Variants in NUP58 observed in about 807,000 individuals in gnomAD.
NUP58 encodes the protein nucleoporin 58, also known as nucleoporin p58/p45.
Under a neutral mutation model 70.1 loss-of-function variants are expected in NUP58, and 17 were observed. The observed-to-expected ratio is 0.24, with a 90% CI of 0.17 to 0.36. NUP58 has a LOEUF of 0.36. Among genes scored for constraint, NUP58 ranks in the 10% least tolerant of loss-of-function variants. The probability of loss-of-function intolerance (pLI) is 1.00; values close to 1 mark genes in which losing one functional copy is unlikely to be tolerated. For synonymous variants in NUP58, 275 were observed against 257.6 expected (o/e 1.07, Z -0.65); for missense variants, 644 against 701.5 (o/e 0.92, Z 0.93).
At chr13:25,321,231 T>C in intron 9 of NUP58, 138 bp downstream of exon 9, 2 of 664,696 alleles carry the variant, frequency 3.0e-6, no homozygotes, top group South Asian at 2.2e-5. Context: ...AGATAACTCA[T>C]ATACTTTAAT....
intron 2 of NUP58, 194 bp downstream of exon 2, chr13:25,308,142 CTGATA>C (rs1260429991): frequency 3.8e-5 from 18 of 478,812 alleles, no homozygotes; most frequent in Non-Finnish European, 5.7e-5. Context: ...GTCATCTACT[CTGATA>C]TAACGAAGGA....
In NUP58 at chr13:25,338,684, C is replaced by A; in HGVS notation, c.1583C>A (p.Thr528Lys). Residue 528 changes from threonine to lysine, a missense_variant, in exon 15 of 16, where the codon ACA (threonine) becomes AAA (lysine). By Grantham distance (78) the Thr-to-Lys change is moderately conservative. This residue lies in a region of NUP58 where 132 missense variants were observed against 203.9 expected (regional missense o/e 0.65). Transcript: ENST00000381736. ...GGATGCAGCACCACAGGGGCCTCCACATTTGGATTTGGAACAACAAATAAA... is the reference window on the plus strand; with the variant it reads ...GGATGCAGCACCACAGGGGCCTCCAAATTTGGATTTGGAACAACAAATAAA... ...GFGCSTTGAS[T>K]FGFGTTNKPS... The A allele has an allele frequency of 6.2e-7, 1 of 1,613,876 alleles. No homozygotes were observed. The highest frequency in any genetic ancestry group is 1.1e-5 in the South Asian group (1 of 91,082).
intron 9 of NUP58, among the ~76,000 whole-genome samples, chr13:25,324,689 AAGT>A (rs2031322698): frequency 6.6e-6 from 1 of 152,148 alleles, no homozygotes; most frequent in Non-Finnish European, 1.5e-5. Context: ...TAATGATTTT[AAGT>A]AGTAGTATAA....
chr13:25,347,179 G>A (rs1238977761), downstream of NUP58, among the ~76,000 whole-genome samples: 1 of 152,038 alleles, frequency 6.6e-6, no homozygotes, highest in Non-Finnish European at 1.5e-5. Context: ...TTCCATTTGT[G>A]GCTTCATGTT....
chr13:25,304,476 G>C (rs1259755645), intron 1 of NUP58, among the ~76,000 whole-genome samples: 1 of 81,566 alleles, frequency 1.2e-5, no homozygotes, highest in African/African-American at 5.8e-5. Flanking sequence ...ATGTTGTCAA[G>C]ATTATATATA....
At chr13:25,316,378 A>G (rs2030930075) in intron 6 of NUP58, among the ~76,000 whole-genome samples, 1 of 152,202 alleles carries the variant, frequency 6.6e-6, no homozygotes, top group Non-Finnish European at 1.5e-5. Context: ...GTATATATAT[A>G]CATATTGAAC....
At chr13:25,306,129 G>T (rs1203820487) in intron 1 of NUP58, among the ~76,000 whole-genome samples, 1 of 152,080 alleles carries the variant, frequency 6.6e-6, no homozygotes, top group Non-Finnish European at 1.5e-5. Context: ...CTGCTGGCCG[G>T]GTGCGGTGGC....
At chr13:25,325,092 CAA>C in intron 10 of NUP58, 24 bp downstream of exon 10, 1 of 1,505,978 alleles carries the variant, frequency 6.6e-7, no homozygotes, top group Non-Finnish European at 9.2e-7. Flanking sequence ...TTTTTAAAAA[CAA>C]ATGTTTCTCA....
chr13:25,347,575 A>G (rs904312380), intron 3 of NUP58, among the ~76,000 whole-genome samples: 1 of 152,106 alleles, frequency 6.6e-6, no homozygotes, highest in East Asian at 1.9e-4. Context: ...TCACACTTTC[A>G]CTTCATTTTT....
chr13:25,343,805 G>GTGTGTATATATATA (rs770283276), downstream of NUP58, among the ~76,000 whole-genome samples: 2 of 137,664 alleles, frequency 1.5e-5, no homozygotes, highest in East Asian at 4.3e-4. Context: ...ACATATATAT[G>GTGTGTATATATATA]TATATATATA....
At chr13:25,326,562 ATTT>A (rs2031402032) in intron 10 of NUP58, among the ~76,000 whole-genome samples, 1 of 152,168 alleles carries the variant, frequency 6.6e-6, no homozygotes, top group African/African-American at 2.4e-5. Context: ...AGTACAGAGA[ATTT>A]ATTTATATCG....
chr13:25,309,219 T>G, intron 2 of NUP58, 28 bp from the exon 3 acceptor site: 1 of 1,552,546 alleles, frequency 6.4e-7, no homozygotes, highest in Non-Finnish European at 8.9e-7. Context: ...CATTGATGAT[T>G]AAATTTTATT....
At chr13:25,335,341 G>A (rs1335308119) in intron 13 of NUP58, 2 of 985,206 alleles carry the variant, frequency 2.0e-6, no homozygotes, top group East Asian at 1.1e-4. Context: ...CGACTTACAA[G>A]GCTGAGGGCT....
At position 25,337,000 on chromosome 13, in the gene NUP58, G is replaced by A; in HGVS notation, c.1500G>A (p.Leu500=). The A allele has an allele frequency of 1.2e-6, 2 of 1,607,506 alleles. No homozygotes were observed. The highest frequency in any genetic ancestry group is 1.7e-5 in the Admixed American group (1 of 58,648). Residue 500 remains leucine (L), a synonymous_variant, in exon 14 of 16, where the codon TTG becomes TTA. Coordinates refer to ENST00000381736, the MANE Select transcript of NUP58 (RefSeq NM_014089.4). ...TPFGSGIGTG[L]QSSGLGSSNL... is the part of the protein sequence containing the mutation. ...TCGGCTCAGGTATTGGCACTGGCTT[G>A]CAATCAAGTGGCTTAGGTTCTTCAA...
At chr13:25,336,087 G>A (rs913096446) in intron 13 of NUP58, 6 of 1,242,350 alleles carry the variant, frequency 4.8e-6, no homozygotes, top group South Asian at 1.5e-5. Flanking sequence ...ATGACTAATC[G>A]TTCTGCTTCT....
intron 9 of NUP58, among the ~76,000 whole-genome samples, chr13:25,322,799 A>G (rs923750243): frequency 1.3e-5 from 2 of 152,078 alleles, no homozygotes; most frequent in African/African-American, 4.8e-5. Flanking sequence ...TTTCCTTTCC[A>G]CTTACTCTTC....
intron 13 of NUP58, chr13:25,333,664 A>G (rs2031686335): frequency 2.0e-6 from 2 of 985,338 alleles, no homozygotes; most frequent in Non-Finnish European, 2.4e-6. Flanking sequence ...TCATGTCACC[A>G]TGATGTGAGA....
At chr13:25,320,461 C>G in intron 7 of NUP58, 69 bp from the exon 8 acceptor site, 1 of 1,043,126 alleles carries the variant, frequency 9.6e-7, no homozygotes, top group Admixed American at 1.8e-5. Flanking sequence ...CTCTAATACT[C>G]TATTAAAACT....
chr13:25,321,187 A>T, intron 9 of NUP58, 94 bp downstream of exon 9: 2 of 1,076,716 alleles, frequency 1.9e-6, no homozygotes, highest in Non-Finnish European at 2.7e-6. Context: ...GTTTTTAATT[A>T]TGAAATTTGA....
Sources: gnomAD v4.1 joint callset for allele counts (sites outside exome capture counted in the v4.1 genomes callset) on GRCh38, gnomAD v4.1.1 for gene constraint, gnomAD v4.1.1 regional missense constraint, MANE v1.5 for transcripts, NCBI Gene and HGNC (gene_info 2026-07-23, HGNC 2026-07-21) for gene names.